KIDINS220: variants seen among roughly 807,000 people sequenced by gnomAD.
KIDINS220 encodes kinase D-interacting substrate of 220 kDa.
A neutral mutation model predicts 157.6 loss-of-function variants in KIDINS220; 63 were observed. The ratio of observed to expected loss-of-function variants is 0.40; its 90% CI spans 0.33 to 0.49. The LOEUF is 0.49. Among genes scored for constraint, KIDINS220 ranks in the 20% least tolerant of loss-of-function variants. KIDINS220 has a pLI of 0.66. For synonymous variants in KIDINS220, 732 were observed against 783.6 expected (o/e 0.93, Z 1.10); for missense variants, 1,772 against 2,171.2 (o/e 0.82, Z 3.65).
chr2:8,731,145 T>C lies in KIDINS220; in HGVS notation c.4891A>G (p.Ser1631Gly). 6.2e-7 allele frequency: 1 copy of C among 1,614,226 alleles called. No homozygotes were observed. The highest frequency in any genetic ancestry group is 8.5e-7 in the Non-Finnish European group (1 of 1,180,042). The change falls in exon 30 of 30, where the codon AGC becomes GGC. Residue 1631 changes from serine to glycine, a missense_variant. Ser to Gly is a moderately conservative substitution (Grantham distance 56). Transcript: ENST00000256707. The surrounding 1 kb of genome is among the most constrained non-coding windows in gnomAD (Gnocchi z 5.2). ...SHSGKRGIPH[S>G]LSGLQDPIIA... ...ATTGGATCTTGCAGGCCACTCAGGC[T>C]ATGTGGGATTCCCCGCTTTCCGCTG...
In KIDINS220 at chr2:8,789,962, A is replaced by T. The variant is rs764964594; in HGVS notation, c.1539T>A (p.Gly513=). ...FLTLLLCGGL[G]LLFAFTVHPN... ...GGTGGACCGTGAAGGCAAACAATAA[A>T]CCAAGCCCTCCACAAAGTAGCAGGG... Residue 513 remains glycine, a synonymous_variant, in exon 14 of 30, where the codon GGT becomes GGA. Coordinates refer to ENST00000256707, the MANE Select transcript of KIDINS220 (RefSeq NM_020738.4). 6.2e-7 allele frequency: 1 copy of T among 1,614,048 alleles called. No homozygotes were observed. Among genetic ancestry groups the T allele is most frequent in the Non-Finnish European group, 8.5e-7 (1 of 1,179,984 alleles).
Position 8,790,015 on chromosome 2 carries a change from G to C in KIDINS220, c.1486C>G (p.Gln496Glu). 6.2e-7 allele frequency: 1 copy of C among 1,608,508 alleles called. No homozygotes were observed. Among genetic ancestry groups the C allele is most frequent in the African/African-American group, 1.3e-5 (1 of 74,680 alleles). Reference sequence around the variant, plus strand: ...AGAAACACTATGAGCCATGAGAACTGAAAGAGAGGCTCAATCTGTTGTCCG... The same window carrying C: ...AGAAACACTATGAGCCATGAGAACTCAAAGAGAGGCTCAATCTGTTGTCCG... ...FAGQQIEPLF[Q>E]FSWLIVFLTL... is the part of the protein sequence containing the mutation. Residue 496 changes from glutamine to glutamate, a missense_variant, in exon 14 of 30, where the codon CAG becomes GAG. Gln to Glu is a conservative substitution (Grantham distance 29). Transcript: ENST00000256707.
chr2:8,763,422 G>A (rs1039211743), intron 22 of KIDINS220, among the ~76,000 whole-genome samples: 3 of 152,100 alleles, frequency 2.0e-5, no homozygotes, highest in African/African-American at 2.4e-5. Flanking sequence ...TGAACATCAC[G>A]TCGGCACTCA....
intron 2 of KIDINS220, 25 bp downstream of exon 2, chr2:8,826,961 T>C (rs773792301): frequency 3.8e-6 from 5 of 1,309,952 alleles, no homozygotes; most frequent in Non-Finnish European, 5.5e-6. Context: ...TGTGAAAGAA[T>C]GTAATTTTGC....
At position 8,793,798 on chromosome 2, in the gene KIDINS220, C is replaced by G. The variant is rs1465243099; in HGVS notation, c.1276+12G>C. 2 of 1,578,344 alleles carry G rather than the reference C, an allele frequency of 1.3e-6. No homozygotes were observed. The highest frequency in any genetic ancestry group is 4.5e-5 in the East Asian group (2 of 44,194). On this transcript the variant is annotated intron_variant, in intron 12 of 29. Transcript: ENST00000256707. ...TTTAAAAGCTCAGTTAGGAGCAAAACTCAATACTTACTGGCTCCAAATATT... is the reference window on the plus strand; with the variant it reads ...TTTAAAAGCTCAGTTAGGAGCAAAAGTCAATACTTACTGGCTCCAAATATT...
At chr2:8,750,375 AG>A in intron 23 of KIDINS220, 40 bp from the exon 24 acceptor site, 1 of 1,381,248 alleles carries the variant, frequency 7.2e-7, no homozygotes, top group Non-Finnish European at 9.7e-7. Flanking sequence ...AAGAGAAAAC[AG>A]GACATTAGGA....
rs746419509 is a variant in KIDINS220, at chr2:8,806,253, A to C, written c.603+18T>G. ...AAACATGTTTCTATTGCCAAGCATT[A>C]AAATATAAGATACTTACAGCTCCTT... On this transcript the variant is annotated intron_variant, in intron 7 of 29. Coordinates refer to ENST00000256707, the MANE Select transcript of KIDINS220 (RefSeq NM_020738.4). 2 of 1,533,060 alleles carry C rather than the reference A, an allele frequency of 1.3e-6. No individual in the cohort carries two copies. The highest frequency in any genetic ancestry group is 4.5e-5 in the East Asian group (2 of 44,350). 95.0% of individuals were successfully genotyped at this position (1,533,060 alleles called of 1,614,324 possible).
At chr2:8,739,375 C>T (rs956596937) in intron 26 of KIDINS220, among the ~76,000 whole-genome samples, 4 of 152,074 alleles carry the variant, frequency 2.6e-5, no homozygotes, top group African/African-American at 4.8e-5. Context: ...GGGCTTTATA[C>T]AAGAGCTAAA....
At chr2:8,776,094 G>C (rs546996135) in intron 21 of KIDINS220, among the ~76,000 whole-genome samples, 1 of 152,122 alleles carries the variant, frequency 6.6e-6, no homozygotes, top group Non-Finnish European at 1.5e-5. Context: ...CAAAAATATT[G>C]TAAGTATATT....
intron 2 of KIDINS220, among the ~76,000 whole-genome samples, chr2:8,825,399 A>G (rs903979600): frequency 4.7e-5 from 3 of 64,276 alleles, no homozygotes; most frequent in Non-Finnish European, 1.1e-4. Context: ...AAGTTCTGGA[A>G]TCTATTGCCC....
At chr2:8,757,650 A>G (rs1668183649) in intron 22 of KIDINS220, 1 of 1,611,184 alleles carries the variant, frequency 6.2e-7, no homozygotes, top group Non-Finnish European at 8.5e-7. Context: ...TCTCTGAGGG[A>G]GTCATGGCCT....
At chr2:8,746,266 CT>C (rs1666550280) in intron 26 of KIDINS220, among the ~76,000 whole-genome samples, 1 of 151,854 alleles carries the variant, frequency 6.6e-6, no homozygotes, top group Admixed American at 6.6e-5. Context: ...CCATGCCTGG[CT>C]AATTCTCGTA....
At chr2:8,817,576 A>G (rs1677251706) in intron 4 of KIDINS220, 42 bp downstream of exon 4, 5 of 1,083,526 alleles carry the variant, frequency 4.6e-6, no homozygotes, top group Non-Finnish European at 6.8e-6. Flanking sequence ...ATGATTATAA[A>G]TAAGATTTCA....
chr2:8,774,178 C>A (rs1489265775), intron 21 of KIDINS220, among the ~76,000 whole-genome samples: 1 of 151,838 alleles, frequency 6.6e-6, no homozygotes, highest in African/African-American at 2.4e-5. Flanking sequence ...TGCCTGTAAT[C>A]CCAGCTACTC....
chr2:8,817,031 T>A lies in KIDINS220; in HGVS notation c.306+587A>T, dbSNP rs60428644. 9.6e-3 allele frequency among the ~76,000 whole-genome samples: 1,465 copies of A among 152,270 alleles called. 30 individuals carry two copies. Among genetic ancestry groups the A allele is most frequent in the African/African-American group, 0.034 (1,402 of 41,554 alleles). ...CACAGCAGATCGTTTTCTTCCTTCCTTCTACTGTTAAAATCAACTTTTAAA... is the reference window on the plus strand; with the variant it reads ...CACAGCAGATCGTTTTCTTCCTTCCATCTACTGTTAAAATCAACTTTTAAA... On this transcript the variant is annotated intron_variant, in intron 4 of 29. Transcript: ENST00000256707.
chr2:8,722,511 C>T (rs1663019370), downstream of KIDINS220: 1 of 152,180 alleles, frequency 6.6e-6, no homozygotes, highest in Admixed American at 6.5e-5. Context: ...CACATCCTGC[C>T]ACATCTGCAA....
intron 6 of KIDINS220, among the ~76,000 whole-genome samples, chr2:8,807,348 G>A (rs1675600855): frequency 1.3e-5 from 2 of 152,194 alleles, no homozygotes; most frequent in Non-Finnish European, 2.9e-5. Flanking sequence ...TGACCTTTCA[G>A]TACATGGAGC....
intron 1 of KIDINS220, among the ~76,000 whole-genome samples, chr2:8,835,601 G>A (rs4669344): frequency 0.42 from 61,684 of 148,478 alleles, 14,738 homozygotes; most frequent in East Asian, 0.58. Flanking sequence ...CAGGGCTGCA[G>A]TGAGCCAAGA....
chr2:8,735,153 T>C (rs556943529), intron 27 of KIDINS220, among the ~76,000 whole-genome samples: 3 of 152,226 alleles, frequency 2.0e-5, no homozygotes, highest in Non-Finnish European at 2.9e-5. Flanking sequence ...AACAACGTTC[T>C]AAATGAAGTA....
Sources: allele counts gnomAD v4.1 joint callset (sites outside exome capture counted in the v4.1 genomes callset), GRCh38; gene constraint gnomAD v4.1.1; non-coding constraint Gnocchi (gnomAD v3.1); transcripts MANE v1.5; gene names NCBI Gene and HGNC (gene_info 2026-07-23, HGNC 2026-07-21).